The following PRRX1 variants were observed in gnomAD, a reference collection of about 807,000 sequenced individuals.
The protein encoded by PRRX1 is paired related homeobox 1, also known as paired mesoderm homeobox protein 1.
Under a neutral mutation model 24.0 loss-of-function variants are expected in PRRX1, and 8 were observed. That is an observed-to-expected ratio of 0.33 (90% CI 0.20 to 0.60). PRRX1 has a LOEUF of 0.60. PRRX1 is among the 20% of genes least tolerant of loss of function. The pLI is 0.82. For synonymous variants in PRRX1, 160 were observed against 131.7 expected, an observed-to-expected ratio of 1.22 and a Z score of -1.47; for missense variants, 281 against 322.4, an observed-to-expected ratio of 0.87 and a Z score of 0.98.
intron 1 of PRRX1, among the ~76,000 whole-genome samples, chr1:170,672,588 TC>T (rs1386211256): frequency 6.6e-6 from 1 of 152,210 alleles, no homozygotes; most frequent in Admixed American, 6.5e-5. Context: ...ATCCCAGTCC[TC>T]TAAATATAAT....
At chr1:170,729,481 G>C (rs1259500744) in intron 3 of PRRX1, among the ~76,000 whole-genome samples, 1 of 152,142 alleles carries the variant, frequency 6.6e-6, no homozygotes, top group African/African-American at 2.4e-5. Context: ...ATTTTGGGTT[G>C]GAAAATAGCC....
At position 170,736,493 on chromosome 1, in the gene PRRX1, C is replaced by T. The variant is rs907355005; in HGVS notation, c.*307C>T. Reference sequence around the variant, plus strand: ...CTTCTTCAGCTAGGTTCAGCCCACCCACCCCCATGATTGTATGAAGTTTTA... The same window carrying T: ...CTTCTTCAGCTAGGTTCAGCCCACCTACCCCCATGATTGTATGAAGTTTTA... On this transcript the variant is annotated 3_prime_UTR_variant, in exon 4 of 4. Coordinates refer to ENST00000239461, the MANE Select transcript of PRRX1 (RefSeq NM_022716.4). 3.4e-5 allele frequency: 14 copies of T among 409,624 alleles called. No individual in the cohort carries two copies. The Admixed American group carries it at 4.4e-4, about 13-fold the overall frequency. The allele number at this position is 409,624 out of a possible 1,614,324, so 25.4% of individuals were successfully genotyped here. A position where few individuals can be genotyped will look rare whatever the true frequency, so the allele number is the denominator to read the frequency against.
chr1:170,723,741 C>G (rs778726432), intron 2 of PRRX1, among the ~76,000 whole-genome samples: 27 of 152,172 alleles, frequency 1.8e-4, no homozygotes, highest in Admixed American at 3.9e-4. Flanking sequence ...TCTACTTACA[C>G]AAATCTAGAT....
chr1:170,717,627 TTC>T (rs1411362415), intron 1 of PRRX1, among the ~76,000 whole-genome samples: 8 of 151,874 alleles, frequency 5.3e-5, no homozygotes, highest in South Asian at 2.1e-4. Flanking sequence ...TTTTGCAGAC[TTC>T]TGTTTTGGGG....
intron 1 of PRRX1, among the ~76,000 whole-genome samples, chr1:170,677,696 A>G (rs568164021): frequency 7.9e-4 from 121 of 152,328 alleles, no homozygotes; most frequent in African/African-American, 2.8e-3. Context: ...CCACACCATG[A>G]GTATCTGGAA....
rs1439313643 is a variant in PRRX1, at chr1:170,673,986, A to G, written c.241+9527A>G. Among the ~76,000 whole-genome samples, 4 of 152,240 alleles carry G rather than the reference A, an allele frequency of 2.6e-5. No homozygotes were observed. In the East Asian group the frequency reaches 7.7e-4, roughly 29 times the overall value. On this transcript the variant is annotated intron_variant, in intron 1 of 3. Transcript: ENST00000239461. ...AAAGACTGGATATAATAGATCCCTAAAGAATATTTGTTGAATTTCCAAATG... is the reference window on the plus strand; with the variant it reads ...AAAGACTGGATATAATAGATCCCTAGAGAATATTTGTTGAATTTCCAAATG...
chr1:170,698,568 T>C (rs1007297060), intron 1 of PRRX1, among the ~76,000 whole-genome samples: 3 of 152,180 alleles, frequency 2.0e-5, no homozygotes, highest in South Asian at 4.1e-4. Flanking sequence ...TTTTTTTTCC[T>C]GACCATTTAG....
intron 1 of PRRX1, among the ~76,000 whole-genome samples, chr1:170,719,090 T>C (rs1655000135): frequency 1.3e-5 from 2 of 152,170 alleles, no homozygotes; most frequent in Admixed American, 1.3e-4. Flanking sequence ...GTTGATGGCA[T>C]TGTAGCACTA....
chr1:170,686,216 A>G (rs1653733139), intron 1 of PRRX1, among the ~76,000 whole-genome samples: 1 of 150,850 alleles, frequency 6.6e-6, no homozygotes, highest in African/African-American at 2.4e-5. Flanking sequence ...TTTACGTTTC[A>G]GATATTTTTT....
chr1:170,678,083 A>T (rs1179409383), intron 1 of PRRX1, among the ~76,000 whole-genome samples: 1 of 152,208 alleles, frequency 6.6e-6, no homozygotes, highest in Non-Finnish European at 1.5e-5. Flanking sequence ...CTTTTTGTAC[A>T]TGAATAATGC....
At chr1:170,720,757 C>T (rs1655056147) in intron 2 of PRRX1, among the ~76,000 whole-genome samples, 1 of 152,104 alleles carries the variant, frequency 6.6e-6, no homozygotes, top group Non-Finnish European at 1.5e-5. Flanking sequence ...TCTCTGTGAA[C>T]TGAAAGAAGG....
At chr1:170,687,206 A>G (rs1653774058) in intron 1 of PRRX1, among the ~76,000 whole-genome samples, 1 of 152,134 alleles carries the variant, frequency 6.6e-6, no homozygotes. Context: ...CAATTTCCAA[A>G]ACCCCATTTG....
intron 3 of PRRX1, among the ~76,000 whole-genome samples, chr1:170,731,050 ATACGTAT>A: frequency 6.6e-6 from 1 of 152,368 alleles, no homozygotes; most frequent in South Asian, 2.1e-4. Flanking sequence ...AGAGATAAAT[ATACGTAT>A]TAGAAAATCA....
chr1:170,685,276 C>T (rs887512159), intron 1 of PRRX1, among the ~76,000 whole-genome samples: 3 of 152,130 alleles, frequency 2.0e-5, no homozygotes, highest in East Asian at 1.9e-4. Context: ...TATCCTTGCT[C>T]ACCTCCTGAC....
At chr1:170,710,853 C>T (rs1212649543) in intron 1 of PRRX1, among the ~76,000 whole-genome samples, 1 of 152,206 alleles carries the variant, frequency 6.6e-6, no homozygotes, top group East Asian at 1.9e-4. Context: ...TAGGCCAGCC[C>T]CTCTTCCTGA....
rs189407992 is a variant in PRRX1, at chr1:170,730,439, A to G, written c.599+4038A>G. ...TTAAGAAAGTGGGGGTTGCAGTTCTAGAAATTTCAGCAGTGAAGTCCTCAA... is the reference window on the plus strand; with the variant it reads ...TTAAGAAAGTGGGGGTTGCAGTTCTGGAAATTTCAGCAGTGAAGTCCTCAA... On this transcript the variant is annotated intron_variant, in intron 3 of 3. Coordinates refer to ENST00000239461, the MANE Select transcript of PRRX1 (RefSeq NM_022716.4). The G allele has an allele frequency of 5.1e-4, 580 of 1,132,080 alleles. 1 individual carries two copies. The African/African-American group carries it at 7.6e-3, about 15-fold the overall frequency. The allele number at this position is 1,132,080 out of a possible 1,614,324, so 70.1% of individuals were successfully genotyped here.
intron 1 of PRRX1, among the ~76,000 whole-genome samples, chr1:170,695,151 T>C (rs1654126973): frequency 6.6e-6 from 1 of 152,142 alleles, no homozygotes; most frequent in South Asian, 2.1e-4. Context: ...GCAACAACCA[T>C]ACCCCATGAA....
chr1:170,688,803 TGAC>T (rs1653829714), intron 1 of PRRX1, among the ~76,000 whole-genome samples: 1 of 152,182 alleles, frequency 6.6e-6, no homozygotes, highest in South Asian at 2.1e-4. Flanking sequence ...AATTCCTGAC[TGAC>T]ATTTTTTTCT....
intron 3 of PRRX1, among the ~76,000 whole-genome samples, chr1:170,735,015 C>A (rs1330472363): frequency 6.6e-6 from 1 of 152,180 alleles, no homozygotes; most frequent in Non-Finnish European, 1.5e-5. Context: ...AAGTCTATCT[C>A]ATTCCAGCCC....
Sources: allele counts gnomAD v4.1 joint callset (sites outside exome capture counted in the v4.1 genomes callset), GRCh38; gene constraint gnomAD v4.1.1; transcripts MANE v1.5; gene names NCBI Gene and HGNC (gene_info 2026-07-23, HGNC 2026-07-21).